The following CACNA1E variants were observed in gnomAD, a reference collection of about 807,000 sequenced individuals.
CACNA1E encodes voltage-dependent R-type calcium channel subunit alpha-1E.
CACNA1E carries 40 observed loss-of-function variants against 259.2 expected under a neutral mutation model. That is an observed-to-expected ratio of 0.15 (90% CI 0.12 to 0.20). CACNA1E has a LOEUF of 0.20. CACNA1E is among the 10% of genes least tolerant of loss of function. The pLI is 1.00. For synonymous variants in CACNA1E, 1,104 were observed against 1,138.5 expected (o/e 0.97, Z 0.61); for missense variants, 1,874 against 3,040.1 (o/e 0.62, Z 9.02).
chr1:181,690,336 T>C (rs939299779), intron 7 of CACNA1E, among the ~76,000 whole-genome samples: 41 of 152,328 alleles, frequency 2.7e-4, no homozygotes, highest in Non-Finnish European at 5.3e-4. Context: ...TTGGTCTATA[T>C]ATCTGTTTTG....
intron 6 of CACNA1E, among the ~76,000 whole-genome samples, chr1:181,590,735 T>G (rs1558160128): frequency 1.3e-5 from 2 of 152,104 alleles, no homozygotes; most frequent in Non-Finnish European, 1.5e-5. Flanking sequence ...ATTTCTGTTC[T>G]CCTGAGGGTG....
At chr1:181,724,595 C>CA in intron 17 of CACNA1E, 58 bp downstream of exon 17, 1 of 1,384,198 alleles carries the variant, frequency 7.2e-7, no homozygotes, top group Non-Finnish European at 1.0e-6. Context: ...TACCCTTTGG[C>CA]CTTTGGAACT....
In CACNA1E at chr1:181,671,727, T is replaced by TAAAC. The variant is rs538283934; in HGVS notation, c.1055+20306_1055+20309dup. Among the ~76,000 whole-genome samples, 42 of 152,274 alleles carry TAAAC rather than the reference T, an allele frequency of 2.8e-4. 1 individual carries two copies. Among genetic ancestry groups the TAAAC allele is most frequent in the East Asian group, 2.1e-3 (11 of 5,184 alleles). On this transcript the variant is annotated intron_variant, in intron 7 of 47. Coordinates refer to ENST00000367573, the MANE Select transcript of CACNA1E (RefSeq NM_001205293.3). The stretch of plus-strand genomic sequence containing the variant: ...GATGTGATTTACCAACCAACTGGGC[T>TAAAC]AAACAAACAAACAAACAAACAAAAA...
chr1:181,648,514 G>A (rs1399727318), intron 6 of CACNA1E, among the ~76,000 whole-genome samples: 2 of 152,144 alleles, frequency 1.3e-5, no homozygotes, highest in African/African-American at 4.8e-5. Context: ...TGAAATGGTG[G>A]AATAAACAAG....
rs117965312 is a variant in CACNA1E, at chr1:181,503,207, C to T, written c.267-7270C>T. On this transcript the variant is annotated intron_variant, in intron 1 of 47. Coordinates refer to ENST00000367573, the MANE Select transcript of CACNA1E (RefSeq NM_001205293.3). ...ATGTCTTCGGCATTACTCGTCCCTC[C>T]AGGACAGATGTATCTTTCTCAGTCG... Among the ~76,000 whole-genome samples, 184 of 152,360 alleles carry T rather than the reference C, an allele frequency of 1.2e-3. 5 individuals carry two copies. In the East Asian group the frequency reaches 0.034, roughly 28 times the overall value.
intron 2 of CACNA1E, among the ~76,000 whole-genome samples, chr1:181,469,416 C>T (rs942823059): frequency 1.3e-5 from 2 of 152,014 alleles, no homozygotes; most frequent in Non-Finnish European, 2.9e-5. Flanking sequence ...GCATTAGAGA[C>T]CTAGGAGGGA....
chr1:181,790,825 G>A (rs549331935), intron 44 of CACNA1E, among the ~76,000 whole-genome samples: 8 of 151,618 alleles, frequency 5.3e-5, no homozygotes, highest in East Asian at 2.0e-4. Context: ...GTTTATGCCC[G>A]AATATCAAGT....
At chr1:181,356,646 G>A (rs571860602) in intron 1 of CACNA1E, among the ~76,000 whole-genome samples, 2 of 152,316 alleles carry the variant, frequency 1.3e-5, no homozygotes, top group South Asian at 2.1e-4. Flanking sequence ...GGGCACTTAG[G>A]CTCTTCAGGC....
chr1:181,711,844 A>G (rs1572671960), intron 8 of CACNA1E, among the ~76,000 whole-genome samples: 1 of 152,128 alleles, frequency 6.6e-6, no homozygotes, highest in Non-Finnish European at 1.5e-5. Context: ...GTGGGCAGCA[A>G]TCGTGTTTGA....
chr1:181,753,986 T>G (rs1030839213), intron 27 of CACNA1E, among the ~76,000 whole-genome samples: 4 of 152,102 alleles, frequency 2.6e-5, no homozygotes, highest in African/African-American at 4.8e-5. Context: ...TACCCCGCCT[T>G]CCCCCCTGGA....
chr1:181,739,179 G>A lies in CACNA1E; in HGVS notation c.3645G>A (p.Gly1215=). 1 of 1,613,568 alleles carries A rather than the reference G, an allele frequency of 6.2e-7. No individual in the cohort carries two copies. Among genetic ancestry groups the A allele is most frequent in the Admixed American group, 1.7e-5 (1 of 60,020 alleles). ...ACCAAGGCTTGATCCTGCAGGATGGGTCCTACTTCCGAGACTTGTGGAACA... is the reference window on the plus strand; with the variant it reads ...ACCAAGGCTTGATCCTGCAGGATGGATCCTACTTCCGAGACTTGTGGAACA... The part of the protein sequence containing the change: ...MIDQGLILQD[G]SYFRDLWNIL... Residue 1215 remains glycine (G), a synonymous_variant, in exon 25 of 48, where the codon GGG becomes GGA. Transcript: ENST00000367573.
intron 2 of CACNA1E, among the ~76,000 whole-genome samples, chr1:181,448,622 C>T (rs972546850): frequency 2.0e-5 from 3 of 152,234 alleles, no homozygotes; most frequent in African/African-American, 4.8e-5. Flanking sequence ...CCTACTCCAG[C>T]CTCTGATAAG....
At chr1:181,494,727 C>T (rs1664604992) in intron 1 of CACNA1E, among the ~76,000 whole-genome samples, 1 of 152,230 alleles carries the variant, frequency 6.6e-6, no homozygotes, top group African/African-American at 2.4e-5. Context: ...GTGATTTCTA[C>T]ACCGCACTGT....
chr1:181,447,201 T>TCC (rs559459610), intron 2 of CACNA1E, among the ~76,000 whole-genome samples: 2 of 151,914 alleles, frequency 1.3e-5, no homozygotes, highest in South Asian at 2.1e-4. Flanking sequence ...TTTTGGGATT[T>TCC]TCCCCCCCTA....
chr1:181,688,518 TC>T (rs1211276355), intron 7 of CACNA1E, among the ~76,000 whole-genome samples: 1 of 152,180 alleles, frequency 6.6e-6, no homozygotes, highest in Non-Finnish European at 1.5e-5. Context: ...TTTTCCCCTA[TC>T]CTTTTTAAGT....
chr1:181,735,320 G>T (rs1655934799), intron 21 of CACNA1E, among the ~76,000 whole-genome samples: 1 of 152,202 alleles, frequency 6.6e-6, no homozygotes, highest in Non-Finnish European at 1.5e-5. Context: ...GCTAGTCTTT[G>T]GTCTTGGTCA....
chr1:181,460,740 A>G (rs1181075338), intron 2 of CACNA1E, among the ~76,000 whole-genome samples: 1 of 152,204 alleles, frequency 6.6e-6, no homozygotes, highest in Non-Finnish European at 1.5e-5. Flanking sequence ...AAAGGGATGC[A>G]TGGCTAAAAA....
chr1:181,350,392 G>C (rs1330617432), intron 1 of CACNA1E, among the ~76,000 whole-genome samples: 1 of 152,286 alleles, frequency 6.6e-6, no homozygotes, highest in Middle Eastern at 3.4e-3. Flanking sequence ...GTGGAGCCCT[G>C]CTCCTCTGGG....
At chr1:181,428,065 T>C (rs1388917493) in intron 2 of CACNA1E, among the ~76,000 whole-genome samples, 2 of 152,112 alleles carry the variant, frequency 1.3e-5, no homozygotes, top group Non-Finnish European at 2.9e-5. Flanking sequence ...CTCCCCTACA[T>C]GCCTTTAGGA....
Sources: allele counts gnomAD v4.1 joint callset (sites outside exome capture counted in the v4.1 genomes callset), GRCh38; gene constraint gnomAD v4.1.1; transcripts MANE v1.5; gene names NCBI Gene and HGNC (gene_info 2026-07-23, HGNC 2026-07-21).